PIEZO2: variants seen among roughly 807,000 people sequenced by gnomAD.
The protein encoded by PIEZO2 is piezo-type mechanosensitive ion channel component 2.
Under a neutral mutation model 337.3 loss-of-function variants are expected in PIEZO2, and 172 were observed. That is an observed-to-expected ratio of 0.51 (90% confidence interval 0.45 to 0.58). The LOEUF is 0.58. Among genes scored for constraint, PIEZO2 ranks in the 20% least tolerant of loss-of-function variants. The pLI, the probability that PIEZO2 is intolerant of heterozygous loss-of-function variation, is 0.00. For missense variants in PIEZO2, 3,028 were observed against 3,391.3 expected, an observed-to-expected ratio of 0.89 and a Z score of 2.66; for synonymous variants, 1,251 against 1,228.5, an observed-to-expected ratio of 1.02 and a Z score of -0.38.
chr18:10,694,147 C>T (rs574735563), intron 47 of PIEZO2, among the ~76,000 whole-genome samples: 50 of 151,764 alleles, frequency 3.3e-4, no homozygotes, highest in African/African-American at 9.4e-4. Context: ...TGCATTGTCA[C>T]CATTTATTAT....
intron 30 of PIEZO2, 24 bp from the exon 31 acceptor site, chr18:10,744,255 A>G (rs1222783289): frequency 7.2e-7 from 1 of 1,383,010 alleles, no homozygotes; most frequent in Non-Finnish European, 9.9e-7. Context: ...GGAAACATGA[A>G]CAAGTCAATA....
At position 10,767,227 on chromosome 18, in the gene PIEZO2, G is replaced by A. The variant is rs1336441547; in HGVS notation, c.2946+2921C>T. On this transcript the variant is annotated intron_variant, in intron 21 of 55. Transcript: ENST00000674853. This position sits in a 1 kb window ranked among gnomAD's most constrained non-coding sequence, Gnocchi z 4.2. ...TTTAAATCTAGATTATTCCAAAGCA[G>A]TGTCACTCCTGAATAAGATGCTGAT... Among the ~76,000 whole-genome samples, 1 of 152,136 alleles carries A rather than the reference G, an allele frequency of 6.6e-6. No homozygotes were observed.
intron 2 of PIEZO2, among the ~76,000 whole-genome samples, chr18:11,026,814 A>C (rs1177244770): frequency 1.3e-5 from 2 of 152,190 alleles, no homozygotes; most frequent in African/African-American, 4.8e-5. Flanking sequence ...ATTAACCCAT[A>C]AGTGGATTAG....
At chr18:11,088,174 G>A (rs11660976) in intron 1 of PIEZO2, among the ~76,000 whole-genome samples, 64,515 of 152,010 alleles carry the variant, frequency 0.42, 13,977 homozygotes, top group East Asian at 0.71. Flanking sequence ...AGAGACTATG[G>A]TCTATTCATT....
intron 47 of PIEZO2, among the ~76,000 whole-genome samples, chr18:10,693,720 G>C (rs920023376): frequency 6.6e-6 from 1 of 151,434 alleles, no homozygotes; most frequent in East Asian, 1.9e-4. Flanking sequence ...TTAGGATCTA[G>C]TATCACCATT....
At chr18:10,898,728 T>G (rs264173) in intron 4 of PIEZO2, among the ~76,000 whole-genome samples, 141,034 of 152,194 alleles carry the variant, frequency 0.93, 65,400 homozygotes, top group East Asian at 1. Flanking sequence ...AAGGGAGGGT[T>G]AGCCTATGCC....
chr18:10,965,436 G>C (rs1420828321), intron 3 of PIEZO2, among the ~76,000 whole-genome samples: 1 of 152,070 alleles, frequency 6.6e-6, no homozygotes, highest in African/African-American at 2.4e-5. Context: ...TTGCTCATTT[G>C]TACACTGGAG....
rs1478501245 is a variant in PIEZO2 at position 10,742,619 on chromosome 18, T to C, written c.4515-4A>G. Reference sequence around the variant, plus strand: ...CCTGGCCTTGATGCGATCCATCCTATAAAGTAAAATAACATTAGTAATGCC... The same window carrying C: ...CCTGGCCTTGATGCGATCCATCCTACAAAGTAAAATAACATTAGTAATGCC... On this transcript the variant is annotated splice_region_variant and splice_polypyrimidine_tract_variant and intron_variant, in intron 31 of 55. Coordinates refer to ENST00000674853, the MANE Select transcript of PIEZO2 (RefSeq NM_001378183.1). 6.5e-7 allele frequency: 1 copy of C among 1,536,940 alleles called. No homozygotes were observed. The highest frequency in any genetic ancestry group is 1.2e-5 in the South Asian group (1 of 84,028).
In PIEZO2 at chr18:11,143,639, A is replaced by ACACTCTCTCT. The variant is rs1473731967; in HGVS notation, c.64+4885_64+4886insAGAGAGAGTG. On this transcript the variant is annotated intron_variant, in intron 1 of 55. Transcript: ENST00000674853. The surrounding 1 kb of genome is among the most constrained non-coding windows in gnomAD (Gnocchi z 4.9). ...CACACACACACACACACACACACAC[A>ACACTCTCTCT]CTCTCTCTCTCTCTCTCTCTCTCTC... is the stretch of plus-strand genomic sequence containing the variant. 1.1e-5 allele frequency among the ~76,000 whole-genome samples: 1 copy of ACACTCTCTCT among 92,804 alleles called. No individual in the cohort carries two copies. Among genetic ancestry groups the ACACTCTCTCT allele is most frequent in the African/African-American group, 5.3e-5 (1 of 18,758 alleles). 60.9% of individuals were successfully genotyped at this position (92,804 alleles called of 152,430 possible).
At chr18:10,737,285 G>GAAAAAAAAAAACAAAAA (rs1555634851) in intron 33 of PIEZO2, among the ~76,000 whole-genome samples, 1 of 64,228 alleles carries the variant, frequency 1.6e-5, no homozygotes, top group African/African-American at 1.3e-4. Context: ...CAAGACATTT[G>GAAAAAAAAAAACAAAAA]AAAAAAAAAA....
rs1010746975 is a variant in PIEZO2, at chr18:11,126,285, G to T, written c.64+22240C>A. ...TATTATTTTCCAGAAATCGGTTTTG[G>T]TGGTGAGGAATGATCTGTTATTTGC... is the stretch of plus-strand genomic sequence containing the variant. On this transcript the variant is annotated intron_variant, in intron 1 of 55. Transcript: ENST00000674853. This position sits in a 1 kb window ranked among gnomAD's most constrained non-coding sequence, Gnocchi z 4.6. Among the ~76,000 whole-genome samples, 1 of 152,122 alleles carries T rather than the reference G, an allele frequency of 6.6e-6. No homozygotes were observed. The highest frequency in any genetic ancestry group is 1.5e-5 in the Non-Finnish European group (1 of 68,040).
At position 11,112,402 on chromosome 18, in the gene PIEZO2, A is replaced by G. The variant is rs1456143374; in HGVS notation, c.64+36123T>C. Among the ~76,000 whole-genome samples, 2 of 152,230 alleles carry G rather than the reference A, an allele frequency of 1.3e-5. No homozygotes were observed. The highest frequency in any genetic ancestry group is 2.9e-5 in the Non-Finnish European group (2 of 68,042). Reference sequence around the variant, plus strand: ...AGAACAACCCTTCAACGCTTTAATTAAAGAGGCCTACAACATCAGAATCTA... The same window carrying G: ...AGAACAACCCTTCAACGCTTTAATTGAAGAGGCCTACAACATCAGAATCTA... On this transcript the variant is annotated intron_variant, in intron 1 of 55. Coordinates refer to ENST00000674853, the MANE Select transcript of PIEZO2 (RefSeq NM_001378183.1). This position sits in a 1 kb window ranked among gnomAD's most constrained non-coding sequence, Gnocchi z 4.3.
intron 2 of PIEZO2, among the ~76,000 whole-genome samples, chr18:11,061,956 T>C (rs969433619): frequency 6.6e-6 from 1 of 152,190 alleles, no homozygotes; most frequent in African/African-American, 2.4e-5. Flanking sequence ...GCTAAGTCAA[T>C]CCTGAGCCAA....
chr18:10,901,111 A>T (rs1321984070), intron 4 of PIEZO2, among the ~76,000 whole-genome samples: 1 of 152,252 alleles, frequency 6.6e-6, no homozygotes, highest in Non-Finnish European at 1.5e-5. Flanking sequence ...TGACTTTAAT[A>T]AAAGTTCAGC....
chr18:10,773,997 G>C lies in PIEZO2; in HGVS notation c.2567+9C>G. Reference sequence around the variant, plus strand: ...AGCAAGCATTTCATGGCTTCACAGGGGGACTTACTCATTTTGGTGGATTGG... The same window carrying C: ...AGCAAGCATTTCATGGCTTCACAGGCGGACTTACTCATTTTGGTGGATTGG... On this transcript the variant is annotated intron_variant, in intron 19 of 55. Transcript: ENST00000674853. This position sits in a 1 kb window ranked among gnomAD's most constrained non-coding sequence, Gnocchi z 5.3. 1 of 703,034 alleles carries C rather than the reference G, an allele frequency of 1.4e-6. No homozygotes were observed. Among genetic ancestry groups the C allele is most frequent in the Admixed American group, 2.0e-5 (1 of 50,014 alleles). 43.5% of individuals were successfully genotyped at this position (703,034 alleles called of 1,614,324 possible).
chr18:10,996,908 A>G (rs1159652352), intron 2 of PIEZO2, among the ~76,000 whole-genome samples: 1 of 152,144 alleles, frequency 6.6e-6, no homozygotes, highest in Non-Finnish European at 1.5e-5. Context: ...ATCTCTGACC[A>G]AAGGAGCTGT....
At chr18:11,013,840 G>A (rs1488287093) in intron 2 of PIEZO2, among the ~76,000 whole-genome samples, 1 of 152,194 alleles carries the variant, frequency 6.6e-6, no homozygotes, top group Non-Finnish European at 1.5e-5. Flanking sequence ...AGCTGGAGTG[G>A]TGCCCGAAGA....
rs1352334983 is a variant in PIEZO2 at position 11,131,661 on chromosome 18, C to T, written c.64+16864G>A. Among the ~76,000 whole-genome samples, 1 of 152,132 alleles carries T rather than the reference C, an allele frequency of 6.6e-6. No individual in the cohort carries two copies. Among genetic ancestry groups the T allele is most frequent in the African/African-American group, 2.4e-5 (1 of 41,434 alleles). ...TATATACTGATTAATGGGATGTAGC[C>T]AATGTTTTGGCTGGATGGTCAGGGA... is the stretch of plus-strand genomic sequence containing the variant. On this transcript the variant is annotated intron_variant, in intron 1 of 55. Coordinates refer to ENST00000674853, the MANE Select transcript of PIEZO2 (RefSeq NM_001378183.1). This position sits in a 1 kb window ranked among gnomAD's most constrained non-coding sequence, Gnocchi z 5.3.
At chr18:10,704,684 AT>A (rs758471323) in intron 41 of PIEZO2, 32 bp from the exon 42 acceptor site, 23 of 1,521,376 alleles carry the variant, frequency 1.5e-5, no homozygotes, top group South Asian at 2.4e-5. Context: ...TAATATGTCT[AT>A]TTTTTTTCTT....
Sources: gnomAD v4.1 joint callset for allele counts (sites outside exome capture counted in the v4.1 genomes callset) on GRCh38, gnomAD v4.1.1 for gene constraint, Gnocchi (gnomAD v3.1) non-coding constraint, MANE v1.5 for transcripts, NCBI Gene and HGNC (gene_info 2026-07-23, HGNC 2026-07-21) for gene names.